GAD2: variants seen among roughly 807,000 people sequenced by gnomAD.
GAD2 encodes the protein 65 kDa glutamic acid decarboxylase.
GAD2 carries 22 observed loss-of-function variants against 80.1 expected under a neutral mutation model. The observed-to-expected ratio is 0.27, with a 90% confidence interval of 0.20 to 0.39. The LOEUF is 0.39. GAD2 is among the 10% of genes least tolerant of loss of function. GAD2 has a pLI of 1.00. For synonymous variants in GAD2, 274 were observed against 256.9 expected (o/e 1.07, Z -0.64); for missense variants, 624 against 738.4 (o/e 0.85, Z 1.80).
intron 7 of GAD2, among the ~76,000 whole-genome samples, chr10:26,237,378 C>T (rs1844687199): frequency 6.6e-6 from 1 of 152,156 alleles, no homozygotes; most frequent in African/African-American, 2.4e-5. Context: ...GTCTCCTCCT[C>T]ATCTGTAAAA....
At chr10:26,219,913 T>A (rs1175901565) in intron 4 of GAD2, among the ~76,000 whole-genome samples, 1 of 152,088 alleles carries the variant, frequency 6.6e-6, no homozygotes, top group Non-Finnish European at 1.5e-5. Flanking sequence ...CCACTGTATA[T>A]GTGAGATAAA....
intron 6 of GAD2, among the ~76,000 whole-genome samples, chr10:26,228,615 C>T (rs1056048686): frequency 2.6e-5 from 4 of 152,124 alleles, no homozygotes; most frequent in African/African-American, 9.7e-5. Flanking sequence ...AAGGGGCAAG[C>T]GAGCATTACC....
intron 13 of GAD2, among the ~76,000 whole-genome samples, chr10:26,288,145 A>G (rs76258052): frequency 1.3e-5 from 2 of 152,230 alleles, no homozygotes; most frequent in East Asian, 1.9e-4. Flanking sequence ...GTGACCCACA[A>G]ATATTTTATG....
rs1240118693 is a variant in GAD2, at chr10:26,284,598, C to G, written c.1237-1747C>G. Among the ~76,000 whole-genome samples the G allele has an allele frequency of 2.9e-5, 3 of 102,352 alleles. No homozygotes were observed. In the South Asian group the frequency reaches 1.0e-3, roughly 36 times the overall value. The allele number at this position is 102,352 out of a possible 152,430, so 67.1% of individuals were successfully genotyped here. On this transcript the variant is annotated intron_variant, in intron 12 of 15. Coordinates refer to ENST00000376261, the MANE Select transcript of GAD2 (RefSeq NM_001134366.2). ...TTTTTTTTTTTTTTTGAGACGGGGT[C>G]TCTTTCTCTGTCGCCTAGGCTGAAG...
chr10:26,253,363 T>C (rs1030606991), intron 8 of GAD2, among the ~76,000 whole-genome samples: 2 of 152,254 alleles, frequency 1.3e-5, no homozygotes, highest in African/African-American at 4.8e-5. Context: ...TTTATTCATG[T>C]CATTCATATT....
chr10:26,218,087 G>C, intron 3 of GAD2, 96 bp downstream of exon 3: 1 of 1,331,678 alleles, frequency 7.5e-7, no homozygotes, highest in Non-Finnish European at 1.0e-6. Context: ...GCCGGACAGG[G>C]GCGTCGAGGT....
rs184996869 is a variant in GAD2 at position 26,303,964 on chromosome 10, T to C, written c.*3003T>C. On this transcript the variant is annotated 3_prime_UTR_variant, in exon 16 of 16. Coordinates refer to ENST00000376261, the MANE Select transcript of GAD2 (RefSeq NM_001134366.2). ...GAACTTTGATATTATGAAAACTACA[T>C]TTGCATCTGTTCCTGTTCTCTCTCT... 3.4e-5 allele frequency: 5 copies of C among 146,694 alleles called. No individual in the cohort carries two copies. The highest frequency in any genetic ancestry group is 2.0e-4 in the East Asian group (1 of 4,882). The allele number at this position is 146,694 out of a possible 1,614,324, so 9.1% of individuals were successfully genotyped here. A position where few individuals can be genotyped will look rare whatever the true frequency, so the allele number is the denominator to read the frequency against.
At chr10:26,296,697 T>C (rs1189525741) in intron 15 of GAD2, among the ~76,000 whole-genome samples, 3 of 152,170 alleles carry the variant, frequency 2.0e-5, no homozygotes, top group Non-Finnish European at 4.4e-5. Flanking sequence ...GTGTTTCTGG[T>C]TCTTTATCTT....
At chr10:26,292,599 A>C in intron 14 of GAD2, 27 bp downstream of exon 14, 4 of 1,540,228 alleles carry the variant, frequency 2.6e-6, no homozygotes, top group Non-Finnish European at 3.6e-6. Flanking sequence ...CTACAATCTC[A>C]GAAAGTTTAG....
intron 12 of GAD2, among the ~76,000 whole-genome samples, chr10:26,282,197 C>A (rs1405580083): frequency 3.3e-5 from 5 of 152,180 alleles, no homozygotes; most frequent in African/African-American, 1.2e-4. Flanking sequence ...CCCACCTCAG[C>A]CTTTCAAAGT....
In GAD2 at chr10:26,303,359, C is replaced by G. The variant is rs920882278; in HGVS notation, c.*2398C>G. The G allele has an allele frequency of 6.8e-6, 1 of 146,370 alleles. No individual in the cohort carries two copies. Among genetic ancestry groups the G allele is most frequent in the Non-Finnish European group, 1.5e-5 (1 of 66,784 alleles). 9.1% of individuals were successfully genotyped at this position (146,370 alleles called of 1,614,324 possible). A position where few individuals can be genotyped will look rare whatever the true frequency, so the allele number is the denominator to read the frequency against. On this transcript the variant is annotated 3_prime_UTR_variant, in exon 16 of 16. Transcript: ENST00000376261. ...ACCAACTGTAGCCCAAAGAAGGAAG[C>G]AAATAAAAGCCTAGTAGGTCCCAGT... is the stretch of plus-strand genomic sequence containing the variant.
chr10:26,286,141 T>C (rs750515630), intron 12 of GAD2, among the ~76,000 whole-genome samples: 45 of 152,200 alleles, frequency 3.0e-4, no homozygotes, highest in Non-Finnish European at 6.2e-4. Flanking sequence ...CCCTGAGCCA[T>C]TGATCCCACA....
At chr10:26,275,641 T>C (rs187303823) in intron 11 of GAD2, among the ~76,000 whole-genome samples, 13 of 152,354 alleles carry the variant, frequency 8.5e-5, no homozygotes, top group East Asian at 5.8e-4. Context: ...AAAGGCATAC[T>C]TTCTAAGTGA....
intron 7 of GAD2, among the ~76,000 whole-genome samples, chr10:26,244,684 A>G (rs1441677352): frequency 1.3e-5 from 2 of 152,238 alleles, no homozygotes; most frequent in Non-Finnish European, 2.9e-5. Flanking sequence ...AGTTAAATTC[A>G]AAGACAGAAA....
intron 12 of GAD2, among the ~76,000 whole-genome samples, 181 bp downstream of exon 12, chr10:26,281,268 A>G (rs1291628038): frequency 1.3e-5 from 2 of 152,198 alleles, no homozygotes; most frequent in East Asian, 3.8e-4. Flanking sequence ...AACAGGGAAG[A>G]AAGGATAAGA....
At chr10:26,293,707 C>A (rs1323868652) in intron 15 of GAD2, among the ~76,000 whole-genome samples, 1 of 152,132 alleles carries the variant, frequency 6.6e-6, no homozygotes. Context: ...CTTGAGCTGC[C>A]AAGGTCAAGG....
rs967043281 is a variant in GAD2, at chr10:26,274,337, A to G, written c.1157+637A>G. Among the ~76,000 whole-genome samples the G allele has an allele frequency of 1.1e-4, 16 of 152,360 alleles. 1 individual carries two copies. The East Asian group carries it at 3.1e-3, about 29-fold the overall frequency. On this transcript the variant is annotated intron_variant, in intron 11 of 15. Transcript: ENST00000376261. ...GAGAAAAGCTGAAAAACACAAAGGC[A>G]GTGATATCTGATTGGCATAAAGCAC...
At chr10:26,219,929 AG>A (rs934664544) in intron 4 of GAD2, among the ~76,000 whole-genome samples, 1 of 152,116 alleles carries the variant, frequency 6.6e-6, no homozygotes, top group African/African-American at 2.4e-5. Context: ...ATAAAGAAAA[AG>A]GGGGGGAGGG....
At chr10:26,250,708 A>G (rs80346077) in intron 8 of GAD2, among the ~76,000 whole-genome samples, 1,772 of 152,314 alleles carry the variant, frequency 0.012, 40 homozygotes, top group African/African-American at 0.04. Context: ...GAAGGAATAA[A>G]TGACCATATT....
Sources: gnomAD v4.1 joint callset for allele counts (sites outside exome capture counted in the v4.1 genomes callset) on GRCh38, gnomAD v4.1.1 for gene constraint, MANE v1.5 for transcripts, NCBI Gene and HGNC (gene_info 2026-07-23, HGNC 2026-07-21) for gene names.